Variants in ROBO2 observed in about 807,000 individuals in gnomAD.
The protein encoded by ROBO2 is roundabout guidance receptor 2.
Under a neutral mutation model 160.8 loss-of-function variants are expected in ROBO2, and 53 were observed. The observed-to-expected ratio is 0.33, with a 90% CI of 0.26 to 0.41. The LOEUF (loss-of-function observed/expected upper bound fraction) is 0.41. Ranked by LOEUF, ROBO2 falls within the 10% of genes least tolerant of loss-of-function variation. The pLI is 1.00. For synonymous variants in ROBO2, 664 were observed against 611.7 expected, an observed-to-expected ratio of 1.09 and a Z score of -1.26; for missense variants, 1,577 against 1,722.4, an observed-to-expected ratio of 0.92 and a Z score of 1.49.
intron 2 of ROBO2, among the ~76,000 whole-genome samples, chr3:75,959,372 G>A (rs1414373949): frequency 6.6e-6 from 1 of 151,386 alleles, no homozygotes; most frequent in Admixed American, 6.6e-5. Flanking sequence ...ATATTATTAG[G>A]CATTACCTGA....
At chr3:76,592,288 T>C (rs2086463399) in intron 2 of ROBO2, among the ~76,000 whole-genome samples, 1 of 152,118 alleles carries the variant, frequency 6.6e-6, no homozygotes, top group Admixed American at 6.5e-5. Context: ...ATTTATACTT[T>C]TTAACCAATT....
intron 2 of ROBO2, among the ~76,000 whole-genome samples, chr3:77,231,299 G>T (rs1050597203): frequency 6.8e-6 from 1 of 147,020 alleles, no homozygotes; most frequent in African/African-American, 2.5e-5. Flanking sequence ...GGAGGAAGAG[G>T]CTGCAGTGAG....
intron 2 of ROBO2, among the ~76,000 whole-genome samples, chr3:76,036,998 C>T (rs1480642136): frequency 6.6e-6 from 1 of 151,966 alleles, no homozygotes; most frequent in Non-Finnish European, 1.5e-5. Flanking sequence ...AAGCAATTAT[C>T]TTGCCATCCT....
intron 17 of ROBO2, among the ~76,000 whole-genome samples, chr3:77,591,409 C>T (rs1210893695): frequency 2.0e-5 from 3 of 152,160 alleles, no homozygotes; most frequent in Non-Finnish European, 4.4e-5. Flanking sequence ...TATGTTTTCT[C>T]CTCCTCTACC....
exon 26 of ROBO2, chr3:77,646,081 G>A (rs2095410581): frequency 1.3e-6 from 2 of 1,584,598 alleles, no homozygotes; most frequent in Non-Finnish European, 1.7e-6. Context: ...ATACAAAGCT[G>A]CTCTGAAGGA....
intron 2 of ROBO2, among the ~76,000 whole-genome samples, chr3:77,180,672 T>G (rs2080691791): frequency 6.6e-6 from 1 of 151,804 alleles, no homozygotes; most frequent in African/African-American, 2.4e-5. Flanking sequence ...ACATTAGGGA[T>G]GTATTATTAT....
chr3:76,677,358 G>C (rs1053086916), intron 2 of ROBO2, among the ~76,000 whole-genome samples: 1 of 152,108 alleles, frequency 6.6e-6, no homozygotes, highest in South Asian at 2.1e-4. Flanking sequence ...TCCCAACCCA[G>C]GTGCACAAGA....
intron 2 of ROBO2, among the ~76,000 whole-genome samples, chr3:76,156,675 G>A (rs960880400): frequency 1.3e-5 from 2 of 152,264 alleles, no homozygotes; most frequent in East Asian, 1.9e-4. Context: ...ACGAACTTTA[G>A]AAGAAACAGT....
chr3:77,568,474 T>C, intron 13 of ROBO2, 40 bp downstream of exon 14: 1 of 1,611,480 alleles, frequency 6.2e-7, no homozygotes, highest in South Asian at 1.1e-5. Context: ...ATCTCTTCTC[T>C]TTCGGGAAAG....
intron 2 of ROBO2, among the ~76,000 whole-genome samples, chr3:77,120,283 T>A (rs2074621772): frequency 6.6e-6 from 1 of 152,182 alleles, no homozygotes; most frequent in African/African-American, 2.4e-5. Flanking sequence ...TCAATGATGT[T>A]GATATAGCAA....
chr3:77,197,812 T>C (rs34444810), intron 2 of ROBO2, among the ~76,000 whole-genome samples: 29,623 of 152,018 alleles, frequency 0.19, 3,277 homozygotes, highest in Middle Eastern at 0.3. Flanking sequence ...GTTATCTGGG[T>C]GTGGCCAGTC....
chr3:76,681,886 T>G (rs889974700), intron 2 of ROBO2, among the ~76,000 whole-genome samples: 5 of 152,152 alleles, frequency 3.3e-5, no homozygotes, highest in African/African-American at 1.2e-4. Flanking sequence ...TTTGAAGTCT[T>G]GTATTACATG....
At chr3:77,289,666 G>A (rs1220518352) in intron 2 of ROBO2, among the ~76,000 whole-genome samples, 5 of 150,834 alleles carry the variant, frequency 3.3e-5, no homozygotes, top group African/African-American at 9.8e-5. Flanking sequence ...AAAATTAATG[G>A]TTAAATGGGA....
At chr3:77,040,755 A>T (rs2063999180) in exon 1 of ROBO2, 1 of 1,613,832 alleles carries the variant, frequency 6.2e-7, no homozygotes. Context: ...TTGGTTTCTT[A>T]AAGAATCTGG....
At chr3:76,555,362 A>G (rs1006933763) in intron 2 of ROBO2, among the ~76,000 whole-genome samples, 10 of 50,540 alleles carry the variant, frequency 2.0e-4, no homozygotes, top group East Asian at 1.8e-3. Context: ...GGAAGAGAGA[A>G]GAAGAAGAAG....
chr3:76,457,080 C>T (rs544412599), intron 2 of ROBO2, among the ~76,000 whole-genome samples: 20 of 152,262 alleles, frequency 1.3e-4, no homozygotes, highest in Non-Finnish European at 1.9e-4. Context: ...CCATCCAAAT[C>T]TCATGTCCTC....
intron 2 of ROBO2, among the ~76,000 whole-genome samples, chr3:77,464,340 A>G (rs896719650): frequency 1.2e-4 from 19 of 152,142 alleles, no homozygotes; most frequent in African/African-American, 4.3e-4. Flanking sequence ...AGTCCCTAAG[A>G]GGAACTGGCA....
chr3:77,522,749 A>G (rs766340565), intron 5 of ROBO2, 26 bp from the exon 6 acceptor site: 1 of 1,604,124 alleles, frequency 6.2e-7, no homozygotes, highest in South Asian at 1.1e-5. Context: ...CTACTATTTA[A>G]TAAAACCAGT....
At chr3:76,654,742 A>C (rs1426132915) in intron 2 of ROBO2, among the ~76,000 whole-genome samples, 1 of 151,930 alleles carries the variant, frequency 6.6e-6, no homozygotes, top group Non-Finnish European at 1.5e-5. Flanking sequence ...AAGCTAGAGA[A>C]TTACCAGAGA....
Sources: allele counts gnomAD v4.1 joint callset (sites outside exome capture counted in the v4.1 genomes callset), GRCh38; gene constraint gnomAD v4.1.1; transcripts MANE v1.5; gene names NCBI Gene and HGNC (gene_info 2026-07-23, HGNC 2026-07-21).